Variants in COL20A1 observed in about 807,000 individuals in gnomAD.
The protein encoded by COL20A1 is collagen alpha-1(XX) chain.
A neutral mutation model predicts 152.9 loss-of-function variants in COL20A1; 164 were observed. The observed-to-expected ratio is 1.07, with a 90% CI of 0.94 to 1.22. COL20A1 has a LOEUF of 1.22. Ranked by LOEUF, COL20A1 falls within the 50% of genes most tolerant of loss-of-function variation. COL20A1 has a pLI of 0.00. For missense variants in COL20A1, 1,873 were observed against 1,744.8 expected (o/e 1.07, Z -1.31); for synonymous variants, 864 against 756.0 (o/e 1.14, Z -2.34).
intron 2 of COL20A1, among the ~76,000 whole-genome samples, chr20:63,296,881 G>T (rs2067800910): frequency 1.3e-5 from 2 of 152,018 alleles, no homozygotes; most frequent in Non-Finnish European, 2.9e-5. Flanking sequence ...TTTCCGGGGG[G>T]CAGCCCAAAG....
In COL20A1 at chr20:63,319,617, C is replaced by T. The variant is rs368553711; in HGVS notation, c.2916+21C>T. ...ACAAGGTCCTGGTGCAGCTCGCGCC[C>T]CTCTCCCCCGTTCCCCCAGCTCTGG... On this transcript the variant is annotated intron_variant, in intron 23 of 35. Transcript: ENST00000358894. The surrounding 1 kb of genome is among the most constrained non-coding windows in gnomAD (Gnocchi z 4.4). 2 of 1,518,572 alleles carry T rather than the reference C, an allele frequency of 1.3e-6. No homozygotes were observed. Among genetic ancestry groups the T allele is most frequent in the East Asian group, 2.4e-5 (1 of 40,970 alleles). 94.1% of individuals were successfully genotyped at this position (1,518,572 alleles called of 1,614,324 possible).
chr20:63,308,063 CG>C lies in COL20A1; in HGVS notation c.749del (p.Arg250ProfsTer13). 3 of 1,612,466 alleles carry C rather than the reference CG, an allele frequency of 1.9e-6. No homozygotes were observed. Among genetic ancestry groups the C allele is most frequent in the Non-Finnish European group, 2.5e-6 (3 of 1,179,704 alleles). On this transcript the variant is annotated frameshift_variant, in exon 7 of 36. Coordinates refer to ENST00000358894, the MANE Select transcript of COL20A1 (RefSeq NM_020882.4). LOFTEE classifies it high-confidence loss of function. ...EQVLAAVRRLRYKGGNTFTGL... is the reference protein window; with the variant it reads ...EQVLAAVRRLXYKGGNTFTGL... Reference sequence around the variant, plus strand: ...GGTGCTGGCAGCTGTGCGCCGCCTCCGCTACAAGGGGGGGAACACGTTCACA... The same window carrying C: ...GGTGCTGGCAGCTGTGCGCCGCCTCCCTACAAGGGGGGGAACACGTTCACA...
chr20:63,327,762 C>A, intron 31 of COL20A1, 190 bp from the exon 32 acceptor site: 1 of 616,770 alleles, frequency 1.6e-6, no homozygotes, highest in South Asian at 1.9e-5. Context: ...GAGCCTCTCA[C>A]ATGCCTGCTC....
chr20:63,328,824 C>CCCTCCTGT (rs1164496604), intron 34 of COL20A1, among the ~76,000 whole-genome samples: 1 of 151,074 alleles, frequency 6.6e-6, no homozygotes, highest in Non-Finnish European at 1.5e-5. Flanking sequence ...CGCCCTCCCG[C>CCCTCCTGT]CCTCCTGTCC....
At chr20:63,307,786 G>A (rs1289275656) in intron 6 of COL20A1, 138 bp downstream of exon 6, 6 of 1,179,210 alleles carry the variant, frequency 5.1e-6, no homozygotes, top group Middle Eastern at 2.3e-4. Context: ...GCTCCACATG[G>A]GGTGTTCTGG....
intron 21 of COL20A1, 86 bp from the exon 22 acceptor site, chr20:63,318,966 ACTGGGG>A (rs1192991528): frequency 1.2e-5 from 12 of 990,560 alleles, no homozygotes; most frequent in East Asian, 2.4e-5. Context: ...AGGGACTGGC[ACTGGGG>A]CTGGGGCTGG....
intron 2 of COL20A1, among the ~76,000 whole-genome samples, chr20:63,296,840 C>G (rs768338174): frequency 9.9e-5 from 15 of 152,282 alleles, no homozygotes; most frequent in Non-Finnish European, 2.2e-4. Flanking sequence ...CCAGTGCCCC[C>G]CAGCCCCTGC....
rs1414247705 is a variant in COL20A1 at position 63,312,919 on chromosome 20, G to A, written c.2061G>A (p.Glu687=). Residue 687 remains glutamate, a synonymous_variant, in exon 16 of 36, where the codon GAG becomes GAA. Coordinates refer to ENST00000358894, the MANE Select transcript of COL20A1 (RefSeq NM_020882.4). The part of the protein sequence containing the change: ...VYQITWTPLG[E]GKAHEISVPG... ...AGATCACGTGGACGCCCCTGGGAGAGGGGAAGGCTCACGAGGTGGGCAGGG... is the reference window on the plus strand; with the variant it reads ...AGATCACGTGGACGCCCCTGGGAGAAGGGAAGGCTCACGAGGTGGGCAGGG... 6.4e-7 allele frequency: 1 copy of A among 1,554,306 alleles called. No individual in the cohort carries two copies. The highest frequency in any genetic ancestry group is 8.7e-7 in the Non-Finnish European group (1 of 1,148,100).
In COL20A1 at chr20:63,315,446, C is replaced by G. The variant is rs770292974; in HGVS notation, c.2524+7C>G. The G allele has an allele frequency of 2.9e-5, 45 of 1,568,468 alleles. No homozygotes were observed. In the South Asian group the frequency reaches 5.0e-4, roughly 18 times the overall value. ...CCTGACGGCTCCCTCCCAGGTGGGT[C>G]CTGCATGCCCTCCCCTGCCTGCCCA... is the stretch of plus-strand genomic sequence containing the variant. On this transcript the variant is annotated splice_region_variant and intron_variant, in intron 20 of 35. Transcript: ENST00000358894.
chr20:63,309,740 C>T lies in COL20A1; in HGVS notation c.1106-18C>T. 1.3e-6 allele frequency: 2 copies of T among 1,541,318 alleles called. No homozygotes were observed. The highest frequency in any genetic ancestry group is 1.2e-5 in the South Asian group (1 of 81,100). Reference sequence around the variant, plus strand: ...CCGTGCAGTGACCACCTGCCCCCCACTCCCGCTACTCCAGCAGCAGCGGCT... The same window carrying T: ...CCGTGCAGTGACCACCTGCCCCCCATTCCCGCTACTCCAGCAGCAGCGGCT... On this transcript the variant is annotated intron_variant, in intron 9 of 35. Coordinates refer to ENST00000358894, the MANE Select transcript of COL20A1 (RefSeq NM_020882.4).
rs1298951515 is a variant in COL20A1 at position 63,295,172 on chromosome 20, G to A, written c.65G>A (p.Gly22Glu). 2 of 1,554,642 alleles carry A rather than the reference G, an allele frequency of 1.3e-6. No individual in the cohort carries two copies. Among genetic ancestry groups the A allele is most frequent in the Admixed American group, 3.9e-5 (2 of 51,570 alleles). ...CLWLWLGATLGREQVQASGLL... is the reference protein window; with the variant it reads ...CLWLWLGATLEREQVQASGLL... ...TGGCTGTGGCTGGGCGCCACCCTGG[G>A]AAGAGAGCAAGTTCAAGGTAAGGAC... is the stretch of plus-strand genomic sequence containing the variant. Residue 22 changes from glycine to glutamate, a missense_variant, in exon 2 of 36, where the codon GGA becomes GAA. Physicochemically the swap from Gly to Glu is moderately conservative, Grantham distance 98 (BLOSUM62 -2). Transcript: ENST00000358894.
chr20:63,305,687 C>A lies in COL20A1; in HGVS notation c.337+127C>A. On this transcript the variant is annotated intron_variant, in intron 4 of 35. Coordinates refer to ENST00000358894, the MANE Select transcript of COL20A1 (RefSeq NM_020882.4). The surrounding 1 kb of genome is among the most constrained non-coding windows in gnomAD (Gnocchi z 4.9). Reference sequence around the variant, plus strand: ...AGGGGTGGGTATGTGTGAAGCAGTTCTGGGCTGTGCTAGGGGCAGGTTCAA... The same window carrying A: ...AGGGGTGGGTATGTGTGAAGCAGTTATGGGCTGTGCTAGGGGCAGGTTCAA... 1 of 1,216,350 alleles carries A rather than the reference C, an allele frequency of 8.2e-7. No homozygotes were observed. Among genetic ancestry groups the A allele is most frequent in the Non-Finnish European group, 1.1e-6 (1 of 880,598 alleles). The allele number at this position is 1,216,350 out of a possible 1,614,324, so 75.3% of individuals were successfully genotyped here.
Position 63,305,666 on chromosome 20 carries a change from G to C in COL20A1, c.337+106G>C, listed in dbSNP as rs546831927. ...TCCAGGCTGCGTTCCAGCCCCAGGG[G>C]TGGGTATGTGTGAAGCAGTTCTGGG... On this transcript the variant is annotated intron_variant, in intron 4 of 35. Coordinates refer to ENST00000358894, the MANE Select transcript of COL20A1 (RefSeq NM_020882.4). The surrounding 1 kb of genome is among the most constrained non-coding windows in gnomAD (Gnocchi z 4.9). 1.5e-6 allele frequency: 2 copies of C among 1,304,498 alleles called. No individual in the cohort carries two copies. Among genetic ancestry groups the C allele is most frequent in the African/African-American group, 3.0e-5 (2 of 67,284 alleles). 80.8% of individuals were successfully genotyped at this position (1,304,498 alleles called of 1,614,324 possible).
rs964604875 is a variant in COL20A1 at position 63,309,879 on chromosome 20, C to T, written c.1227C>T (p.Ile409=). The change falls in exon 10 of 36, where the codon ATC becomes ATT. Residue 409 remains isoleucine, a synonymous_variant. Transcript: ENST00000358894. ...PAPRHPLKYL[I]VWRASRGGTP... is the part of the protein sequence containing the mutation. ...CCCGGCACCCCCTCAAGTATCTGAT[C>T]GTTTGGCGAGCCTCTAGAGGTGGCA... 5 of 1,608,668 alleles carry T rather than the reference C, an allele frequency of 3.1e-6. No homozygotes were observed. The highest frequency in any genetic ancestry group is 1.7e-5 in the Admixed American group (1 of 59,568).
At chr20:63,324,759 G>A (rs1329414553) in intron 27 of COL20A1, 1 of 154,264 alleles carries the variant, frequency 6.5e-6, no homozygotes, top group Non-Finnish European at 1.4e-5. Flanking sequence ...TTTCTTTATA[G>A]TGTTTGGAAC....
chr20:63,329,197 G>A, intron 34 of COL20A1: 1 of 222,482 alleles, frequency 4.5e-6, no homozygotes, highest in South Asian at 8.2e-5. Context: ...GGAGCCCCGT[G>A]GGCTGTGGGA....
rs1192885529 is a variant in COL20A1, at chr20:63,309,496, A to C, written c.1104A>C (p.Pro368=). The change falls in exon 9 of 36, where the codon CCA becomes CCC. Residue 368 remains proline, a splice_region_variant and synonymous_variant. Coordinates refer to ENST00000358894, the MANE Select transcript of COL20A1 (RefSeq NM_020882.4). Reference sequence around the variant, plus strand: ...AGGGTGGGAGCCCGCGGCAGGGCCCAGGTGAGGGGCAGGGTCACCCGCACA... The same window carrying C: ...AGGGTGGGAGCCCGCGGCAGGGCCCCGGTGAGGGGCAGGGTCACCCGCACA... The part of the protein sequence containing the change: ...RLQGGSPRQG[P]AAAPALDTLP... 2.6e-6 allele frequency: 4 copies of C among 1,513,608 alleles called. No homozygotes were observed. The African/African-American group carries it at 5.6e-5, about 21-fold the overall frequency. The allele number at this position is 1,513,608 out of a possible 1,614,324, so 93.8% of individuals were successfully genotyped here. A position where few individuals can be genotyped will look rare whatever the true frequency, so the allele number is the denominator to read the frequency against.
chr20:63,312,405 T>A lies in COL20A1; in HGVS notation c.1804-15T>A. ...ACCAGCTGGGCCTGCCATGTCGCCC[T>A]CCCACCTGCTGCAGACAGAGGCTCC... On this transcript the variant is annotated splice_polypyrimidine_tract_variant and intron_variant, in intron 14 of 35. Coordinates refer to ENST00000358894, the MANE Select transcript of COL20A1 (RefSeq NM_020882.4). 2 of 1,558,228 alleles carry A rather than the reference T, an allele frequency of 1.3e-6. No homozygotes were observed. The highest frequency in any genetic ancestry group is 3.8e-5 in the Admixed American group (2 of 53,164).
chr20:63,310,278 C>T lies in COL20A1; in HGVS notation c.1264-103C>T, dbSNP rs1295044087. 10 of 1,332,276 alleles carry T rather than the reference C, an allele frequency of 7.5e-6. No individual in the cohort carries two copies. The East Asian group carries it at 7.6e-5, about 10-fold the overall frequency. The allele number at this position is 1,332,276 out of a possible 1,614,324, so 82.5% of individuals were successfully genotyped here. On this transcript the variant is annotated intron_variant, in intron 10 of 35. Transcript: ENST00000358894. ...GGCCTGTGGGAAGTGGGGCACCCTG[C>T]GGGCCCCAGCTGAGCTCACACTCCA...
Sources: allele counts gnomAD v4.1 joint callset (sites outside exome capture counted in the v4.1 genomes callset), GRCh38; gene constraint gnomAD v4.1.1; non-coding constraint Gnocchi (gnomAD v3.1); transcripts MANE v1.5; gene names NCBI Gene and HGNC (gene_info 2026-07-23, HGNC 2026-07-21).